The following HERC2 variants were observed in gnomAD, a reference collection of about 807,000 sequenced individuals.
HERC2 encodes the protein HECT and RLD domain containing E3 ubiquitin protein ligase 2.
Under a neutral mutation model 537.7 loss-of-function variants are expected in HERC2, and 102 were observed. The observed-to-expected ratio is 0.19, with a 90% CI of 0.16 to 0.22. The LOEUF (loss-of-function observed/expected upper bound fraction) is 0.22. Ranked by LOEUF, HERC2 falls within the 10% of genes least tolerant of loss-of-function variation. The pLI, the probability that HERC2 is intolerant of heterozygous loss-of-function variation, is 1.00. For synonymous variants in HERC2, 2,224 were observed against 2,466.2 expected, an observed-to-expected ratio of 0.90 and a Z score of 2.91; for missense variants, 4,236 against 6,198.2, an observed-to-expected ratio of 0.68 and a Z score of 10.63.
At chr15:28,237,162 A>C (rs755609440) in intron 25 of HERC2, 49 bp from the exon 26 acceptor site, 1 of 1,499,720 alleles carries the variant, frequency 6.7e-7, no homozygotes, top group South Asian at 1.1e-5. Context: ...AATTAATTAA[A>C]AACATAAAAC....
Position 28,111,806 on chromosome 15 carries a change from G to C in HERC2, c.14462C>G (p.Ser4821Cys). The C allele has an allele frequency of 6.2e-7, 1 of 1,614,178 alleles. No homozygotes were observed. The highest frequency in any genetic ancestry group is 1.3e-5 in the African/African-American group (1 of 75,044). The change falls in exon 93 of 93, where the codon TCC (serine) becomes TGC (cysteine). Residue 4821 changes from serine to cysteine, a missense_variant. Ser to Cys is a moderately radical substitution (Grantham distance 112). Around this residue, in one of 27 missense-constraint regions of HERC2, gnomAD observed 313 missense variants for 462.6 expected, o/e 0.68. Coordinates refer to ENST00000261609, the MANE Select transcript of HERC2 (RefSeq NM_004667.6). ...ATCTTGTGTAGAGTCCGAAGCAAAG[G>C]AGTCGACATCCTCGTTATCTGAATC... Reference protein sequence around the residue: ...SDDSDNEDVDSFASDSTQDYL... With the variant: ...SDDSDNEDVDCFASDSTQDYL...
At chr15:28,270,569 A>G in intron 10 of HERC2, 126 bp downstream of exon 10, 1 of 924,566 alleles carries the variant, frequency 1.1e-6, no homozygotes, top group African/African-American at 1.7e-5. Context: ...AAACGCGTTT[A>G]AAAACCACAG....
At chr15:28,263,558 T>G (rs898584055) in intron 14 of HERC2, among the ~76,000 whole-genome samples, 3 of 152,112 alleles carry the variant, frequency 2.0e-5, no homozygotes, top group Admixed American at 6.5e-5. Flanking sequence ...GTTGCCACCA[T>G]GCTGACCGGT....
In HERC2 at chr15:28,216,650, A is replaced by T. The variant is rs556199640; in HGVS notation, c.6029-848T>A. ...CACACACACTCACTCTCACACCCTCATATGCATCCTCACACTCACACTGAT... is the reference window on the plus strand; with the variant it reads ...CACACACACTCACTCTCACACCCTCTTATGCATCCTCACACTCACACTGAT... On this transcript the variant is annotated intron_variant, in intron 38 of 92. Coordinates refer to ENST00000261609, the MANE Select transcript of HERC2 (RefSeq NM_004667.6). Among the ~76,000 whole-genome samples the T allele has an allele frequency of 3.6e-4, 54 of 150,608 alleles. 1 individual carries two copies. Among genetic ancestry groups the T allele is most frequent in the Admixed American group, 1.5e-3 (23 of 15,042 alleles).
At chr15:28,238,567 A>G (rs1902704138) in intron 24 of HERC2, 35 bp downstream of exon 24, 7 of 1,561,854 alleles carry the variant, frequency 4.5e-6, no homozygotes, top group Non-Finnish European at 6.2e-6. Context: ...TATAGGTTGT[A>G]ACTTTTAACC....
chr15:28,136,491 A>G, intron 78 of HERC2, among the ~76,000 whole-genome samples: 1 of 152,252 alleles, frequency 6.6e-6, no homozygotes, highest in Non-Finnish European at 1.5e-5. Context: ...CTTCCTATAG[A>G]AAGTGGGGCT....
At chr15:28,212,695 A>C (rs1262476728) in intron 42 of HERC2, 112 bp from the exon 43 acceptor site, 1 of 1,146,954 alleles carries the variant, frequency 8.7e-7, no homozygotes. Flanking sequence ...CATACCCGTA[A>C]GCCTTTTATA....
At chr15:28,117,486 C>T (rs571375140) in intron 86 of HERC2, 25 of 616,546 alleles carry the variant, frequency 4.1e-5, no homozygotes, top group East Asian at 2.4e-4. Flanking sequence ...CACCCTGGCA[C>T]GGACCATCCT....
intron 4 of HERC2, among the ~76,000 whole-genome samples, chr15:28,281,956 T>C (rs2076030259): frequency 6.6e-6 from 1 of 152,170 alleles, no homozygotes; most frequent in South Asian, 2.1e-4. Flanking sequence ...GCTCTGCCCT[T>C]GAGCACCCAC....
rs534789232 is a variant in HERC2 at position 28,175,422 on chromosome 15, T to C, written c.9831+90A>G. On this transcript the variant is annotated intron_variant, in intron 64 of 92. Coordinates refer to ENST00000261609, the MANE Select transcript of HERC2 (RefSeq NM_004667.6). The stretch of plus-strand genomic sequence containing the variant: ...AGACTCAGCTGATTTCATCAACAGC[T>C]GTGATTTCAACAGGACGAAGGCCGT... 1.4e-5 allele frequency: 17 copies of C among 1,243,916 alleles called. No homozygotes were observed. In the African/African-American group the frequency reaches 2.1e-4, roughly 15 times the overall value. The allele number at this position is 1,243,916 out of a possible 1,614,324, so 77.1% of individuals were successfully genotyped here.
intron 88 of HERC2, among the ~76,000 whole-genome samples, chr15:28,115,996 C>G (rs7180054): frequency 6.6e-6 from 1 of 152,098 alleles, no homozygotes; most frequent in African/African-American, 2.4e-5. Flanking sequence ...CAGATAAACA[C>G]TGAAGATGCA....
In HERC2 at chr15:28,214,252, T is replaced by G; in HGVS notation, c.6379A>C (p.Arg2127=). 6.2e-7 allele frequency: 1 copy of G among 1,611,552 alleles called. No homozygotes were observed. ...LLRESTLRRR[R]VRPQASLTAT... is the part of the protein sequence containing the mutation. ...GTCAGCGAGGCCTGCGGGCGCACCC[T>G]GCGCCGCCTCAGCGTGGACTCTGAG... Residue 2127 remains arginine, a synonymous_variant, in exon 41 of 93, where the codon AGG becomes CGG. Coordinates refer to ENST00000261609, the MANE Select transcript of HERC2 (RefSeq NM_004667.6).
At chr15:28,204,502 C>G (rs1042402365) in intron 45 of HERC2, among the ~76,000 whole-genome samples, 3 of 151,888 alleles carry the variant, frequency 2.0e-5, no homozygotes, top group African/African-American at 7.3e-5. Context: ...CACCTGTAGT[C>G]CTAGCTACTC....
rs1902707753 is a variant in HERC2, at chr15:28,238,604, A to T, written c.3746T>A (p.Leu1249His). The T allele has an allele frequency of 6.2e-7, 1 of 1,609,156 alleles. No individual in the cohort carries two copies. Among genetic ancestry groups the T allele is most frequent in the African/African-American group, 1.3e-5 (1 of 74,776 alleles). ...GGAAATAACAAGTGTAATCTTACCAAGAATACTATTTCCTGTTAACGACTG... is the reference window on the plus strand; with the variant it reads ...GGAAATAACAAGTGTAATCTTACCATGAATACTATTTCCTGTTAACGACTG... ...QTQSLTGNSI[L>H]AQFAGEDPVV... The change falls in exon 24 of 93, where the codon CTT becomes CAT. Residue 1249 changes from leucine to histidine, a missense_variant and splice_region_variant. Physicochemically the swap from Leu to His is moderately conservative, Grantham distance 99. Around this residue, in one of 27 missense-constraint regions of HERC2, gnomAD observed 754 missense variants for 1,085.0 expected, o/e 0.69. Coordinates refer to ENST00000261609, the MANE Select transcript of HERC2 (RefSeq NM_004667.6).
At chr15:28,131,021 C>T (rs1890053090) in intron 81 of HERC2, among the ~76,000 whole-genome samples, 1 of 152,176 alleles carries the variant, frequency 6.6e-6, no homozygotes, top group Non-Finnish European at 1.5e-5. Flanking sequence ...TGGCCAAAAG[C>T]ACTGGGCCCC....
At position 28,252,283 on chromosome 15, in the gene HERC2, G is replaced by A. The variant is rs147356364; in HGVS notation, c.3050+2057C>T. On this transcript the variant is annotated intron_variant, in intron 20 of 92. Coordinates refer to ENST00000261609, the MANE Select transcript of HERC2 (RefSeq NM_004667.6). ...GTTGCAGGTCAAACAGGCCAGTCTCGGTGCACGGGAACATTCTGGGCAAGC... is the reference window on the plus strand; with the variant it reads ...GTTGCAGGTCAAACAGGCCAGTCTCAGTGCACGGGAACATTCTGGGCAAGC... Among the ~76,000 whole-genome samples, 9 of 152,028 alleles carry A rather than the reference G, an allele frequency of 5.9e-5. No homozygotes were observed. The East Asian group carries it at 1.5e-3, about 26-fold the overall frequency.
rs1394411510 is a variant in HERC2, at chr15:28,262,908, T to C, written c.2122+10A>G. On this transcript the variant is annotated intron_variant, in intron 15 of 92. Coordinates refer to ENST00000261609, the MANE Select transcript of HERC2 (RefSeq NM_004667.6). ...CCTGAAGGGTTTTAAAAGTTTACAT[T>C]TGCACTCACCTTGCAAGCCTTCTAA... The C allele has an allele frequency of 1.9e-6, 3 of 1,612,046 alleles. No homozygotes were observed. Among genetic ancestry groups the C allele is most frequent in the South Asian group, 2.2e-5 (2 of 90,958 alleles).
rs1000929925 is a variant in HERC2, at chr15:28,113,345, C to T, written c.14020-62G>A. ...CCCACCCTGGCATTTCCGCAAGACT[C>T]CGTCACGCTCCCTCTCTACACCAAG... On this transcript the variant is annotated intron_variant, in intron 91 of 92. Transcript: ENST00000261609. The surrounding 1 kb of genome is among the most constrained non-coding windows in gnomAD (Gnocchi z 7.0). The T allele has an allele frequency of 6.6e-7, 1 of 1,515,072 alleles. No individual in the cohort carries two copies. The highest frequency in any genetic ancestry group is 1.1e-5 in the South Asian group (1 of 87,474). The allele number at this position is 1,515,072 out of a possible 1,614,324, so 93.9% of individuals were successfully genotyped here.
intron 5 of HERC2, among the ~76,000 whole-genome samples, chr15:28,277,053 GGCATCAGGGTGA>G (rs1378087309): frequency 1.3e-5 from 2 of 152,000 alleles, no homozygotes; most frequent in African/African-American, 4.8e-5. Flanking sequence ...CCAGCTTGTG[GGCATCAGGGTGA>G]GACCCTGTCT....
Sources: allele counts gnomAD v4.1 joint callset (sites outside exome capture counted in the v4.1 genomes callset), GRCh38; gene constraint gnomAD v4.1.1; regional missense constraint gnomAD v4.1.1; non-coding constraint Gnocchi (gnomAD v3.1); transcripts MANE v1.5; gene names NCBI Gene and HGNC (gene_info 2026-07-23, HGNC 2026-07-21).